The following HDX variants were observed in gnomAD, a reference collection of about 807,000 sequenced individuals.
The protein encoded by HDX is highly divergent homeobox, also known as chromosome X open reading frame 43.
Under a neutral mutation model 45.2 loss-of-function variants are expected in HDX, and 19 were observed. The ratio of observed to expected loss-of-function variants is 0.42; its 90% CI spans 0.29 to 0.62. The LOEUF (loss-of-function observed/expected upper bound fraction) is 0.62, where lower values mean the gene tolerates loss of function less well. Ranked by LOEUF, HDX falls within the 20% of genes least tolerant of loss-of-function variation. The pLI is 0.20. For missense variants in HDX, 532 were observed against 493.9 expected, an observed-to-expected ratio of 1.08 and a Z score of -0.73; for synonymous variants, 188 against 172.8, an observed-to-expected ratio of 1.09 and a Z score of -0.69.
intron 5 of HDX, among the ~76,000 whole-genome samples, chrX:84,406,469 TACACACACACACACACACACAC>T (rs369018765): frequency 1.2e-5 from 1 of 86,537 alleles, no homozygotes; most frequent in Non-Finnish European, 2.3e-5. Context: ...TAATCTCACA[TACACACACACACACACACACAC>T]ACACACACAT....
At chrX:84,434,982 TC>T (rs1475568298) in intron 5 of HDX, among the ~76,000 whole-genome samples, 1 of 110,746 alleles carries the variant, frequency 9.0e-6, no homozygotes, top group Non-Finnish European at 1.9e-5. Flanking sequence ...GTTTTAATGA[TC>T]CTTTTTATTT....
At chrX:84,418,591 G>A (rs2039171273) in intron 5 of HDX, among the ~76,000 whole-genome samples, 1 of 111,080 alleles carries the variant, frequency 9.0e-6, no homozygotes, top group Non-Finnish European at 1.9e-5. Context: ...AGAAAAAAAG[G>A]ATCAACAAAC....
intron 6 of HDX, among the ~76,000 whole-genome samples, chrX:84,354,902 G>C (rs1457345176): frequency 2.2e-5 from 2 of 92,738 alleles, no homozygotes; most frequent in African/African-American, 7.8e-5. Context: ...TGGGAATAAA[G>C]AGACATATAT....
intron 4 of HDX, among the ~76,000 whole-genome samples, chrX:84,452,767 A>G (rs1481925392): frequency 1.8e-5 from 2 of 111,897 alleles, no homozygotes; most frequent in East Asian, 5.6e-4. Flanking sequence ...AAGATTGCAT[A>G]TCCATATGAA....
At chrX:84,458,050 A>G (rs1006838079) in intron 4 of HDX, among the ~76,000 whole-genome samples, 1 of 112,038 alleles carries the variant, frequency 8.9e-6, no homozygotes, top group Non-Finnish European at 1.9e-5. Context: ...ACATTTTTTA[A>G]TAAGTACAAA....
At chrX:84,462,353 C>G (rs148933425) in intron 4 of HDX, among the ~76,000 whole-genome samples, 1,490 of 111,613 alleles carry the variant, frequency 0.013, 36 homozygotes, top group African/African-American at 0.047. Context: ...ACAATGAGAT[C>G]CTGTCATTTG....
intron 4 of HDX, among the ~76,000 whole-genome samples, chrX:84,442,947 A>G (rs2039793648): frequency 8.9e-6 from 1 of 111,888 alleles, no homozygotes; most frequent in Non-Finnish European, 1.9e-5. Flanking sequence ...CTGACTATAC[A>G]TTTGAGAAAT....
At chrX:84,463,185 C>G (rs113337086) in intron 4 of HDX, among the ~76,000 whole-genome samples, 6,388 of 110,439 alleles carry the variant, frequency 0.058, 455 homozygotes, top group African/African-American at 0.2. Context: ...ATGTCTTAAT[C>G]AAATTATTTA....
chrX:84,370,216 C>T (rs1235249782), intron 5 of HDX, among the ~76,000 whole-genome samples: 1 of 111,719 alleles, frequency 9.0e-6, no homozygotes, highest in Non-Finnish European at 1.9e-5. Flanking sequence ...CTTCTTGGAT[C>T]TTGAAGCTGC....
chrX:84,501,508 G>A (rs1364346171), intron 1 of HDX: 1 of 112,123 alleles, frequency 8.9e-6, no homozygotes, highest in Non-Finnish European at 1.9e-5. Context: ...TCAAATCAGA[G>A]CTCCTTTAAG....
intron 5 of HDX, among the ~76,000 whole-genome samples, chrX:84,416,991 C>T (rs1351786682): frequency 9.3e-6 from 1 of 107,954 alleles, no homozygotes; most frequent in East Asian, 2.9e-4. Context: ...CCCATCTTTA[C>T]TAAAAATACA....
At chrX:84,388,756 C>G (rs899336322) in intron 5 of HDX, among the ~76,000 whole-genome samples, 3 of 112,080 alleles carry the variant, frequency 2.7e-5, no homozygotes, top group African/African-American at 6.5e-5. Flanking sequence ...TCCTGAATCT[C>G]AGTACACTTC....
intron 5 of HDX, among the ~76,000 whole-genome samples, chrX:84,426,883 T>C (rs1043325163): frequency 3.6e-5 from 4 of 110,649 alleles, no homozygotes; most frequent in Non-Finnish European, 5.7e-5. Context: ...ATTATGTATA[T>C]CTATATCAAA....
At chrX:84,400,947 T>TG (rs2038689511) in intron 5 of HDX, among the ~76,000 whole-genome samples, 1 of 111,614 alleles carries the variant, frequency 9.0e-6, no homozygotes, top group Non-Finnish European at 1.9e-5. Flanking sequence ...AAACAAGCAA[T>TG]GGGGAAAGGA....
chrX:84,360,830 G>T (rs1000943087), intron 6 of HDX, among the ~76,000 whole-genome samples: 2 of 111,609 alleles, frequency 1.8e-5, no homozygotes, highest in Non-Finnish European at 3.8e-5. Flanking sequence ...GTGGATGTTT[G>T]GGTTGTTTCC....
intron 6 of HDX, among the ~76,000 whole-genome samples, chrX:84,351,524 A>T (rs2037360518): frequency 9.0e-6 from 1 of 111,232 alleles, no homozygotes; most frequent in Admixed American, 9.6e-5. Flanking sequence ...AGAAGTCATT[A>T]TCTAAACATT....
chrX:84,498,947 G>C (rs2041065605), intron 1 of HDX, among the ~76,000 whole-genome samples: 1 of 110,864 alleles, frequency 9.0e-6, no homozygotes, highest in Admixed American at 9.7e-5. Context: ...ATAACTTGGT[G>C]ATTAGAAGTC....
chrX:84,409,396 T>A (rs2038925887), intron 5 of HDX, among the ~76,000 whole-genome samples: 1 of 111,055 alleles, frequency 9.0e-6, no homozygotes, highest in African/African-American at 3.3e-5. Flanking sequence ...GGATTATAAA[T>A]CATGCTGCTA....
At chrX:84,391,813 G>C (rs1453746136) in intron 5 of HDX, among the ~76,000 whole-genome samples, 1 of 111,475 alleles carries the variant, frequency 9.0e-6, no homozygotes, top group Non-Finnish European at 1.9e-5. Context: ...TGAGTTATTA[G>C]AGTCCCTTGT....
Sources: gnomAD v4.1 joint callset for allele counts (sites outside exome capture counted in the v4.1 genomes callset) on GRCh38, gnomAD v4.1.1 for gene constraint, MANE v1.5 for transcripts, NCBI Gene and HGNC (gene_info 2026-07-23, HGNC 2026-07-21) for gene names.